Variants in PUDP observed in about 807,000 individuals in gnomAD.
The protein encoded by PUDP is pseudouridine 5'-phosphatase.
PUDP carries 8 observed loss-of-function variants against 9.4 expected under a neutral mutation model. That is an observed-to-expected ratio of 0.85 (90% confidence interval 0.50 to 1.53). The LOEUF (loss-of-function observed/expected upper bound fraction) is 1.53, where lower values mean the gene tolerates loss of function less well. Among genes scored for constraint, PUDP ranks in the 40% most tolerant of loss-of-function variants. The pLI is 0.00. For synonymous variants in PUDP, 99 were observed against 80.7 expected, an observed-to-expected ratio of 1.23 and a Z score of -1.22; for missense variants, 188 against 189.7, an observed-to-expected ratio of 0.99 and a Z score of 0.05.
rs181297213 is a variant in PUDP at position 6,717,871 on chromosome X, C to T, written n.128+3546G>A. Among the ~76,000 whole-genome samples, 38 of 111,665 alleles carry T rather than the reference C, an allele frequency of 3.4e-4. No homozygotes were observed. The Middle Eastern group carries it at 0.014, about 40-fold the overall frequency. ...ATCCTCACCAACATCTATTGTTTTT[C>T]GACTTTTTAGTAATAGCCATTCTGA... On this transcript the variant is annotated intron_variant and non_coding_transcript_variant, in intron 1 of 2. Coordinates refer to the PUDP transcript ENST00000438499.
intron 3 of PUDP, among the ~76,000 whole-genome samples, chrX:6,745,141 G>T (rs1056212025): frequency 1.8e-5 from 2 of 111,844 alleles, no homozygotes; most frequent in African/African-American, 6.5e-5. Context: ...AAGAGGATGA[G>T]TTGAATGGGG....
chrX:6,819,643 G>C (rs1197432265), intron 3 of PUDP, among the ~76,000 whole-genome samples: 2 of 112,422 alleles, frequency 1.8e-5, no homozygotes, highest in Non-Finnish European at 3.8e-5. Flanking sequence ...TTTTAAAGTA[G>C]GTTTTCACTT....
downstream of PUDP, among the ~76,000 whole-genome samples, chrX:7,045,231 T>C (rs946927097): frequency 1.6e-4 from 18 of 112,723 alleles, no homozygotes; most frequent in African/African-American, 5.8e-4. Flanking sequence ...TCCAGCATGA[T>C]TGTAAGTTTC....
chrX:6,849,977 A>T (rs1723652000), intron 3 of PUDP, among the ~76,000 whole-genome samples: 1 of 112,083 alleles, frequency 8.9e-6, no homozygotes, highest in South Asian at 3.7e-4. Flanking sequence ...TCAAAGCAGG[A>T]AAGTGTTGGA....
intron 1 of PUDP, among the ~76,000 whole-genome samples, chrX:7,145,212 AC>A (rs1932835680): frequency 8.9e-6 from 1 of 112,454 alleles, no homozygotes; most frequent in East Asian, 2.8e-4. Context: ...TATTTTTGAT[AC>A]ATTAGGTTAC....
At chrX:6,811,801 T>G (rs1020944867) in intron 3 of PUDP, among the ~76,000 whole-genome samples, 2 of 112,054 alleles carry the variant, frequency 1.8e-5, no homozygotes, top group Non-Finnish European at 1.9e-5. Context: ...TATCTGTTAA[T>G]GCTTGCAGCT....
intron 3 of PUDP, among the ~76,000 whole-genome samples, chrX:6,775,780 C>T (rs1241430579): frequency 1.8e-5 from 2 of 111,018 alleles, no homozygotes; most frequent in African/African-American, 3.3e-5. Flanking sequence ...GCTCCCTCAC[C>T]TCTTCCACCA....
chrX:7,057,435 G>C (rs1017055114), intron 3 of PUDP, among the ~76,000 whole-genome samples: 1 of 110,468 alleles, frequency 9.1e-6, no homozygotes, highest in African/African-American at 3.3e-5. Flanking sequence ...AATTGGGGGA[G>C]GGAAACAGTC....
chrX:7,121,488 C>T (rs1253640038), intron 1 of PUDP, among the ~76,000 whole-genome samples: 2 of 111,561 alleles, frequency 1.8e-5, no homozygotes, highest in Admixed American at 9.5e-5. Flanking sequence ...CTTCCCTCCA[C>T]GCCCACACAC....
At chrX:6,743,408 TG>T (rs1331470541) in intron 3 of PUDP, among the ~76,000 whole-genome samples, 1 of 112,108 alleles carries the variant, frequency 8.9e-6, no homozygotes, top group Non-Finnish European at 1.9e-5. Flanking sequence ...GTAAAGGGTT[TG>T]GGGTGGTGGG....
At chrX:6,907,454 T>A (rs1457710936) in intron 3 of PUDP, among the ~76,000 whole-genome samples, 1 of 111,997 alleles carries the variant, frequency 8.9e-6, no homozygotes, top group Non-Finnish European at 1.9e-5. Context: ...TGTCCCCACA[T>A]GTGTCCATCA....
intron 3 of PUDP, among the ~76,000 whole-genome samples, chrX:6,916,970 A>C (rs1927945831): frequency 8.9e-6 from 1 of 112,212 alleles, no homozygotes; most frequent in Admixed American, 9.4e-5. Flanking sequence ...TGATGTGTGT[A>C]TCTATGCAGG....
At position 7,008,168 on chromosome X, in the gene PUDP, G is replaced by A. The variant is rs1468708744; in HGVS notation, c.205-29825C>T. 4.5e-5 allele frequency among the ~76,000 whole-genome samples: 5 copies of A among 110,013 alleles called. No homozygotes were observed. In the Admixed American group the frequency reaches 4.9e-4, roughly 11 times the overall value. On this transcript the variant is annotated intron_variant and NMD_transcript_variant, in intron 1 of 3. Coordinates refer to the PUDP transcript ENST00000655425. ...TTTAGTAGAGACGGGGTTTCACCAT[G>A]TTAGCCAGGATGGTCTCAATCTCCT... is the stretch of plus-strand genomic sequence containing the variant.
At chrX:6,814,521 C>A (rs189354132) in intron 3 of PUDP, among the ~76,000 whole-genome samples, 34 of 111,085 alleles carry the variant, frequency 3.1e-4, no homozygotes, top group Non-Finnish European at 5.7e-4. Flanking sequence ...AATAAAACGT[C>A]CACCTCCAAA....
At chrX:6,950,181 T>C (rs1456880471) in intron 3 of PUDP, among the ~76,000 whole-genome samples, 5 of 106,048 alleles carry the variant, frequency 4.7e-5, no homozygotes, top group African/African-American at 1.7e-4. Flanking sequence ...CTACTAAAAA[T>C]ACAAAAATTA....
Position 6,739,335 on chromosome X carries a change from C to A in PUDP, c.*248-32869G>T, listed in dbSNP as rs972241789. 6.3e-5 allele frequency among the ~76,000 whole-genome samples: 7 copies of A among 111,972 alleles called. No individual in the cohort carries two copies. In the East Asian group the frequency reaches 2.0e-3, roughly 31 times the overall value. On this transcript the variant is annotated intron_variant and NMD_transcript_variant, in intron 3 of 3. Coordinates refer to the PUDP transcript ENST00000655425. ...ACCTAGAAGCCATCAAGGACAATTT[C>A]CTGAAAGGGGTTTGCTTTTCTGAGT...
upstream of PUDP, among the ~76,000 whole-genome samples, chrX:6,723,360 A>C (rs1924696286): frequency 1.0e-5 from 1 of 96,226 alleles, no homozygotes; most frequent in South Asian, 5.9e-4. Context: ...GTTTGAGCCC[A>C]GGAGGTTGAG....
intron 3 of PUDP, among the ~76,000 whole-genome samples, chrX:6,874,593 C>T (rs751734256): frequency 2.4e-4 from 27 of 111,891 alleles, no homozygotes; most frequent in African/African-American, 6.5e-4. Context: ...TGTTTATACA[C>T]GCCAAATGAA....
intron 1 of PUDP, among the ~76,000 whole-genome samples, chrX:7,027,534 CAT>C (rs1196757364): frequency 1.0e-5 from 1 of 99,900 alleles, no homozygotes; most frequent in Non-Finnish European, 2.0e-5. Context: ...TATATTCACA[CAT>C]ATATGTGTGA....
Sources: gnomAD v4.1 joint callset for allele counts (sites outside exome capture counted in the v4.1 genomes callset) on GRCh38, gnomAD v4.1.1 for gene constraint, MANE v1.5 for transcripts, NCBI Gene and HGNC (gene_info 2026-07-23, HGNC 2026-07-21) for gene names.